RBFOX1: variants seen among roughly 807,000 people sequenced by gnomAD.
RBFOX1 encodes RNA binding protein fox-1 homolog 1.
Under a neutral mutation model 57.7 loss-of-function variants are expected in RBFOX1, and 8 were observed. The observed-to-expected ratio is 0.14, with a 90% CI of 0.08 to 0.25. The LOEUF (loss-of-function observed/expected upper bound fraction) is 0.25. Among genes scored for constraint, RBFOX1 ranks in the 10% least tolerant of loss-of-function variants. RBFOX1 has a pLI of 1.00. For missense variants in RBFOX1, 611 were observed against 548.5 expected (o/e 1.11, Z -1.14); for synonymous variants, 326 against 222.4 (o/e 1.47, Z -4.15).
intron 2 of RBFOX1, among the ~76,000 whole-genome samples, chr16:6,581,158 G>A (rs2153973417): frequency 6.6e-6 from 1 of 152,186 alleles, no homozygotes; most frequent in Admixed American, 6.5e-5. Context: ...AGAGTCTAAT[G>A]AGTTCCTGCG....
At chr16:6,947,248 C>G (rs572565855) in intron 3 of RBFOX1, among the ~76,000 whole-genome samples, 1 of 152,274 alleles carries the variant, frequency 6.6e-6, no homozygotes, top group East Asian at 1.9e-4. Context: ...GAGTCAGAAG[C>G]TCTTCTTATT....
At chr16:5,955,825 T>C (rs912685590) in intron 4 of RBFOX1, among the ~76,000 whole-genome samples, 3 of 152,142 alleles carry the variant, frequency 2.0e-5, no homozygotes, top group Admixed American at 6.6e-5. Flanking sequence ...AAAACTAATA[T>C]ATATGACATG....
At chr16:6,891,248 G>T (rs368357901) in intron 3 of RBFOX1, among the ~76,000 whole-genome samples, 2 of 152,156 alleles carry the variant, frequency 1.3e-5, no homozygotes, top group South Asian at 4.1e-4. Flanking sequence ...CATGAATCCT[G>T]CTAGCACTTT....
chr16:5,418,399 T>G lies in RBFOX1; in HGVS notation c.220-48817T>G, dbSNP rs1209686523. 2.6e-5 allele frequency among the ~76,000 whole-genome samples: 4 copies of G among 151,928 alleles called. No individual in the cohort carries two copies. The East Asian group carries it at 7.7e-4, about 29-fold the overall frequency. On this transcript the variant is annotated intron_variant, in intron 1 of 2. Coordinates refer to the RBFOX1 transcript ENST00000585867. ...GGGGAAATACGGAGGACCGGGGTGTTGTGTGAGGCATCAGGTCCGACGTGA... is the reference window on the plus strand; with the variant it reads ...GGGGAAATACGGAGGACCGGGGTGTGGTGTGAGGCATCAGGTCCGACGTGA...
At chr16:6,702,731 T>C (rs1224732548) in intron 3 of RBFOX1, among the ~76,000 whole-genome samples, 3 of 152,196 alleles carry the variant, frequency 2.0e-5, no homozygotes, top group South Asian at 4.1e-4. Flanking sequence ...TGTTTTAGTC[T>C]TTAGATTTTT....
intron 2 of RBFOX1, among the ~76,000 whole-genome samples, chr16:5,500,453 C>G (rs2043155090): frequency 6.6e-6 from 1 of 152,054 alleles, no homozygotes; most frequent in Non-Finnish European, 1.5e-5. Flanking sequence ...AACTCCTGGA[C>G]TCACGCAATC....
rs542372625 is a variant in RBFOX1 at position 5,637,689 on chromosome 16, G to T, written c.318+38728G>T. Among the ~76,000 whole-genome samples the T allele has an allele frequency of 2.0e-5, 3 of 152,304 alleles. No individual in the cohort carries two copies. In the South Asian group the frequency reaches 6.2e-4, roughly 32 times the overall value. On this transcript the variant is annotated intron_variant, in intron 3 of 19. Transcript: ENST00000641259. Reference sequence around the variant, plus strand: ...TTCTGATGAATCCAGTAGTTCCCCAGGGAGGCAGATGGGGAAGGATCCCTA... The same window carrying T: ...TTCTGATGAATCCAGTAGTTCCCCATGGAGGCAGATGGGGAAGGATCCCTA...
chr16:7,592,848 G>A (rs2094514131), intron 7 of RBFOX1, among the ~76,000 whole-genome samples: 1 of 152,130 alleles, frequency 6.6e-6, no homozygotes, highest in East Asian at 1.9e-4. Flanking sequence ...CAGATAGGGT[G>A]TCACCCAGGC....
At chr16:6,647,181 G>A (rs1173184324) in intron 2 of RBFOX1, among the ~76,000 whole-genome samples, 1 of 152,158 alleles carries the variant, frequency 6.6e-6, no homozygotes. Context: ...ACCAGAGAGA[G>A]AGAGAGAGAG....
rs369996646 is a variant in RBFOX1 at position 5,646,107 on chromosome 16, G to T, written c.318+47146G>T. ...TACGGTGGCACAATCTTGGCTCACT[G>T]CAAACTCTGCCTCCCGGGTTTACAC... On this transcript the variant is annotated intron_variant, in intron 3 of 19. Coordinates refer to the RBFOX1 transcript ENST00000641259. Among the ~76,000 whole-genome samples, 35 of 151,486 alleles carry T rather than the reference G, an allele frequency of 2.3e-4. No homozygotes were observed. The East Asian group carries it at 5.2e-3, about 23-fold the overall frequency.
intron 1 of RBFOX1, among the ~76,000 whole-genome samples, chr16:6,290,732 C>T (rs976935059): frequency 6.6e-6 from 1 of 152,110 alleles, no homozygotes; most frequent in Non-Finnish European, 1.5e-5. Flanking sequence ...CTGTAAAATG[C>T]ACAGTTTCAA....
intron 3 of RBFOX1, among the ~76,000 whole-genome samples, chr16:6,801,647 G>C (rs909675386): frequency 4.6e-5 from 7 of 151,920 alleles, no homozygotes; most frequent in South Asian, 2.1e-4. Context: ...GGCAGGAAAG[G>C]TGTTTCTGGA....
At chr16:7,359,946 T>C (rs2097289368) in intron 4 of RBFOX1, among the ~76,000 whole-genome samples, 1 of 150,022 alleles carries the variant, frequency 6.7e-6, no homozygotes, top group African/African-American at 2.4e-5. Context: ...ATCGCGCCAC[T>C]GCACTCCAGC....
intron 3 of RBFOX1, among the ~76,000 whole-genome samples, chr16:7,003,593 C>G (rs1347611188): frequency 2.6e-5 from 4 of 152,002 alleles, no homozygotes; most frequent in African/African-American, 9.6e-5. Flanking sequence ...ATTAAAATAC[C>G]TCTGGAGAAA....
chr16:7,471,026 A>G (rs930330059), intron 4 of RBFOX1, among the ~76,000 whole-genome samples: 26 of 152,202 alleles, frequency 1.7e-4, no homozygotes, highest in African/African-American at 5.3e-4. Context: ...AAGTATAAAA[A>G]TAGTGCACAG....
chr16:7,305,938 A>T (rs1219405165), intron 4 of RBFOX1, among the ~76,000 whole-genome samples: 4 of 152,130 alleles, frequency 2.6e-5, no homozygotes, highest in Non-Finnish European at 4.4e-5. Flanking sequence ...GTAAATGTGT[A>T]TGTGCATGTG....
intron 3 of RBFOX1, among the ~76,000 whole-genome samples, chr16:6,910,823 T>TG (rs1245009757): frequency 6.6e-6 from 1 of 152,160 alleles, no homozygotes; most frequent in Non-Finnish European, 1.5e-5. Flanking sequence ...AGTTGACTGG[T>TG]ATATCTAAGC....
chr16:5,419,059 A>G (rs2067239886), intron 1 of RBFOX1, among the ~76,000 whole-genome samples: 2 of 152,294 alleles, frequency 1.3e-5, no homozygotes, highest in South Asian at 4.2e-4. Context: ...AGGCTGGAGC[A>G]ATGACAGACC....
chr16:7,522,739 G>A (rs1457153562), intron 5 of RBFOX1, among the ~76,000 whole-genome samples: 4 of 152,174 alleles, frequency 2.6e-5, no homozygotes, highest in Admixed American at 2.6e-4. Flanking sequence ...GTGCAGGAAA[G>A]AAAGTGATGA....
Sources: allele counts gnomAD v4.1 joint callset (sites outside exome capture counted in the v4.1 genomes callset), GRCh38; gene constraint gnomAD v4.1.1; transcripts MANE v1.5; gene names NCBI Gene and HGNC (gene_info 2026-07-23, HGNC 2026-07-21).